The following ARHGAP27 variants were observed in gnomAD, a reference collection of about 807,000 sequenced individuals.
The protein encoded by ARHGAP27 is rho GTPase-activating protein 27.
A neutral mutation model predicts 102.0 loss-of-function variants in ARHGAP27; 53 were observed. The observed-to-expected ratio is 0.52, with a 90% confidence interval of 0.42 to 0.65. The LOEUF is 0.65. ARHGAP27 is among the 30% of genes least tolerant of loss of function. The pLI, the probability that ARHGAP27 is intolerant of heterozygous loss-of-function variation, is 0.00. For synonymous variants in ARHGAP27, 525 were observed against 542.8 expected (o/e 0.97, Z 0.46); for missense variants, 1,117 against 1,256.2 (o/e 0.89, Z 1.68).
At position 45,405,239 on chromosome 17, in the gene ARHGAP27, C is replaced by T. The variant is rs2046994080; in HGVS notation, c.1066-133G>A. On this transcript the variant is annotated intron_variant, in intron 5 of 19. Transcript: ENST00000685559. ...TGGGAGCAGGAGGCGGGGTCAGAAG[C>T]GCTCAGAGGTAGCTCCGCACCTCAC... 18 of 992,686 alleles carry T rather than the reference C, an allele frequency of 1.8e-5. No homozygotes were observed. The East Asian group carries it at 4.5e-4, about 25-fold the overall frequency. The allele number at this position is 992,686 out of a possible 1,614,324, so 61.5% of individuals were successfully genotyped here.
intron 4 of ARHGAP27, among the ~76,000 whole-genome samples, chr17:45,415,748 C>T (rs547009487): frequency 5.9e-5 from 9 of 152,212 alleles, no homozygotes; most frequent in Admixed American, 2.6e-4. Flanking sequence ...AACACTGCTG[C>T]AAGGAAGCAA....
At chr17:45,407,519 C>CTTTTTTTTTTTT (rs3973543) in intron 4 of ARHGAP27, 1 of 143,028 alleles carries the variant, frequency 7.0e-6, no homozygotes, top group Non-Finnish European at 1.5e-5. Flanking sequence ...TCTTTTTTTT[C>CTTTTTTTTTTTT]TTTTTTTTTT....
rs549784144 is a variant in ARHGAP27 at position 45,413,381 on chromosome 17, G to A, written c.658-7298C>T. 3.2e-4 allele frequency among the ~76,000 whole-genome samples: 48 copies of A among 152,224 alleles called. No homozygotes were observed. The East Asian group carries it at 8.7e-3, about 28-fold the overall frequency. ...GGGCAGAAGCTTCCATTGATTCAGA[G>A]GGAAAAAGAGTGGAGCCGGAGACCA... On this transcript the variant is annotated intron_variant, in intron 4 of 19. Transcript: ENST00000685559.
chr17:45,394,614 T>C lies in ARHGAP27; in HGVS notation c.*842A>G, dbSNP rs1567682468. The C allele has an allele frequency of 6.6e-6, 1 of 152,282 alleles. No homozygotes were observed. The highest frequency in any genetic ancestry group is 1.5e-5 in the Non-Finnish European group (1 of 68,094). The allele number at this position is 152,282 out of a possible 1,614,324, so 9.4% of individuals were successfully genotyped here. On this transcript the variant is annotated 3_prime_UTR_variant, in exon 20 of 20. Transcript: ENST00000685559. ...GATGGGTGGTAGCTGAAAGAACTGA[T>C]TTTCCCCCTACCCAGGCTGTACTCT...
intron 4 of ARHGAP27, among the ~76,000 whole-genome samples, chr17:45,418,272 A>G (rs2048682801): frequency 1.1e-5 from 1 of 93,750 alleles, no homozygotes; most frequent in Non-Finnish European, 2.6e-5. Context: ...AATAAAAAGT[A>G]AAAAAAAAAA....
chr17:45,396,781 G>A lies in ARHGAP27; in HGVS notation c.1961C>T (p.Ala654Val), dbSNP rs1425144662. ...EDARPNAAAP[A>V]LGPVGLESDL... ...GCTCTCCAGGCCCACGGGGCCCAGGGCGGGCGCGGCTGCCGCGGGGAAAGG... is the reference window on the plus strand; with the variant it reads ...GCTCTCCAGGCCCACGGGGCCCAGGACGGGCGCGGCTGCCGCGGGGAAAGG... Residue 654 changes from alanine (A) to valine (V), a missense_variant, in exon 15 of 20, where the codon GCC becomes GTC. By Grantham distance (64) the Ala-to-Val change is moderately conservative (BLOSUM62 0). Around this residue, in one of 3 missense-constraint regions of ARHGAP27, gnomAD observed 493 missense variants for 505.5 expected, o/e 0.98. Coordinates refer to ENST00000685559, the MANE Select transcript of ARHGAP27 (RefSeq NM_001282290.2). 17 of 1,611,508 alleles carry A rather than the reference G, an allele frequency of 1.1e-5. No individual in the cohort carries two copies. Among genetic ancestry groups the A allele is most frequent in the Non-Finnish European group, 1.4e-5 (16 of 1,178,832 alleles).
At chr17:45,412,461 C>T (rs1040770732) in intron 4 of ARHGAP27, among the ~76,000 whole-genome samples, 1 of 152,180 alleles carries the variant, frequency 6.6e-6, no homozygotes. Flanking sequence ...GGAGCAGGTG[C>T]ACTAGGAAGA....
rs760196403 is a variant in ARHGAP27 at position 45,405,122 on chromosome 17, G to A, written c.1066-16C>T. The A allele has an allele frequency of 4.5e-6, 7 of 1,558,998 alleles. No individual in the cohort carries two copies. The highest frequency in any genetic ancestry group is 2.3e-5 in the East Asian group (1 of 44,396). On this transcript the variant is annotated splice_polypyrimidine_tract_variant and intron_variant, in intron 5 of 19. Transcript: ENST00000685559. ...GAGTGGGGGGCTGCGGGGAACAGAA[G>A]GTGGAGTCAGAGGCTCTGAGTGCCA...
rs2045406414 is a variant in ARHGAP27 at position 45,394,891 on chromosome 17, C to G, written c.*565G>C. On this transcript the variant is annotated 3_prime_UTR_variant, in exon 20 of 20. Transcript: ENST00000685559. ...GCAGATGAAACTGGCCCACAGCCAG[C>G]CTGTGAGAGGCTCAGGCAGGAGGTC... The G allele has an allele frequency of 6.5e-6, 1 of 152,998 alleles. No homozygotes were observed. The highest frequency in any genetic ancestry group is 2.4e-5 in the African/African-American group (1 of 41,468). 9.5% of individuals were successfully genotyped at this position (152,998 alleles called of 1,614,324 possible).
intron 4 of ARHGAP27, among the ~76,000 whole-genome samples, chr17:45,412,889 A>C (rs533691409): frequency 6.7e-6 from 1 of 148,306 alleles, no homozygotes; most frequent in East Asian, 2.1e-4. Context: ...GACCTGGGGA[A>C]AGTGTTTAAT....
chr17:45,432,610 CAGGCGCGCGGAGCTCCCGGGTGCGG>C (rs2050133410), intron 1 of ARHGAP27, 117 bp downstream of exon 1: 1 of 152,082 alleles, frequency 6.6e-6, no homozygotes, highest in Non-Finnish European at 1.5e-5. Context: ...ACAAGGGGAG[CAGGCGCGCGGAGCTCCCGGGTGCGG>C]ACCCGCCACC....
At chr17:45,423,196 A>G (rs1042439478) in intron 4 of ARHGAP27, among the ~76,000 whole-genome samples, 15 of 152,306 alleles carry the variant, frequency 9.8e-5, no homozygotes, top group African/African-American at 3.6e-4. Flanking sequence ...TAAAAATAAA[A>G]AAAGAAAATA....
intron 4 of ARHGAP27, among the ~76,000 whole-genome samples, chr17:45,420,720 T>C (rs1230080): frequency 0.98 from 148,139 of 151,572 alleles, 72,472 homozygotes; most frequent in East Asian, 1. Context: ...TTTGGGAGGA[T>C]GAGGCAGGCG....
chr17:45,406,226 G>A, intron 4 of ARHGAP27, 143 bp from the exon 5 acceptor site: 1 of 1,004,616 alleles, frequency 1.0e-6, no homozygotes, highest in East Asian at 2.7e-5. Context: ...TCAAAATTTT[G>A]TACAACAAAG....
intron 4 of ARHGAP27, among the ~76,000 whole-genome samples, chr17:45,422,702 A>G (rs1375224709): frequency 2.0e-5 from 3 of 152,198 alleles, no homozygotes; most frequent in South Asian, 2.1e-4. Flanking sequence ...AAACTAGGAA[A>G]AGCCCCAGAA....
intron 4 of ARHGAP27, among the ~76,000 whole-genome samples, chr17:45,412,243 C>A (rs983931005): frequency 6.6e-6 from 1 of 152,254 alleles, no homozygotes. Flanking sequence ...GGCCCTGTCT[C>A]GGATTCCCTC....
Position 45,405,846 on chromosome 17 carries a change from C to T in ARHGAP27, c.895G>A (p.Val299Met). 6.5e-7 allele frequency: 1 copy of T among 1,536,482 alleles called. No homozygotes were observed. ...TGGCCCCACTCGGTCTCAAGGCTCA[C>T]GTGGCTGTCCACCGAGGCAGGGGAG... ...ATSPASVDSH[V>M]SLETEWGQYW... Residue 299 changes from valine to methionine, a missense_variant, in exon 5 of 20, where the codon GTG becomes ATG. Transcript: ENST00000685559.
At chr17:45,398,219 C>T (rs2045975223) in intron 12 of ARHGAP27, among the ~76,000 whole-genome samples, 172 bp from the exon 13 acceptor site, 2 of 152,238 alleles carry the variant, frequency 1.3e-5, no homozygotes, top group African/African-American at 2.4e-5. Context: ...CTCTGCCTCA[C>T]GTAAAGCAGT....
chr17:45,430,211 G>T lies in ARHGAP27; in HGVS notation c.69C>A (p.Asp23Glu), dbSNP rs753128345. ...VEHPFEYTGKDGRRVAIRPNE... is the reference protein window; with the variant it reads ...VEHPFEYTGKEGRRVAIRPNE... Reference sequence around the variant, plus strand: ...TCGGCCGGATGGCCACGCGGCGCCCGTCCTTGCCGGTGTACTCGAAGGGGT... The same window carrying T: ...TCGGCCGGATGGCCACGCGGCGCCCTTCCTTGCCGGTGTACTCGAAGGGGT... Residue 23 changes from aspartate (D) to glutamate (E), a missense_variant, in exon 4 of 20, where the codon GAC becomes GAA. Around this residue, in one of 3 missense-constraint regions of ARHGAP27, gnomAD observed 610 missense variants for 716.4 expected, o/e 0.85. Transcript: ENST00000685559. This position sits in a 1 kb window ranked among gnomAD's most constrained non-coding sequence, Gnocchi z 4.4. The T allele has an allele frequency of 1.3e-6, 2 of 1,561,516 alleles. No individual in the cohort carries two copies. Among genetic ancestry groups the T allele is most frequent in the Admixed American group, 3.6e-5 (2 of 54,806 alleles).
Sources: allele counts gnomAD v4.1 joint callset (sites outside exome capture counted in the v4.1 genomes callset), GRCh38; gene constraint gnomAD v4.1.1; regional missense constraint gnomAD v4.1.1; non-coding constraint Gnocchi (gnomAD v3.1); transcripts MANE v1.5; gene names NCBI Gene and HGNC (gene_info 2026-07-23, HGNC 2026-07-21).